Variants in TBC1D8 observed in about 807,000 individuals in gnomAD.
TBC1D8 encodes BUB2-like protein 1.
TBC1D8 carries 65 observed loss-of-function variants against 118.8 expected under a neutral mutation model. That is an observed-to-expected ratio of 0.55 (90% confidence interval 0.45 to 0.67). The LOEUF (loss-of-function observed/expected upper bound fraction) is 0.67. Among genes scored for constraint, TBC1D8 ranks in the 30% least tolerant of loss-of-function variants. The pLI is 0.00. For synonymous variants in TBC1D8, 566 were observed against 595.8 expected (o/e 0.95, Z 0.73); for missense variants, 1,376 against 1,471.2 (o/e 0.94, Z 1.06).
chr2:101,038,638 C>A lies in TBC1D8; in HGVS notation c.1098G>T (p.Lys366Asn), dbSNP rs764946034. Residue 366 changes from lysine to asparagine, a missense_variant, in exon 7 of 20, where the codon AAG becomes AAT. Coordinates refer to ENST00000409318, the MANE Select transcript of TBC1D8 (RefSeq NM_001330348.2). ...GCGGCAGCAGGCTCGTGTCCTCCATCTTCTCGATGCTCACCACCTGCGCGA... is the reference window on the plus strand; with the variant it reads ...GCGGCAGCAGGCTCGTGTCCTCCATATTCTCGATGCTCACCACCTGCGCGA... The part of the protein sequence containing the change: ...LPLREVVSIE[K>N]MEDTSLLPHP... The A allele has an allele frequency of 2.5e-6, 4 of 1,614,012 alleles. No homozygotes were observed. Among genetic ancestry groups the A allele is most frequent in the Non-Finnish European group, 3.4e-6 (4 of 1,179,972 alleles).
chr2:101,047,695 C>T (rs1029726381), intron 5 of TBC1D8, among the ~76,000 whole-genome samples: 7 of 152,230 alleles, frequency 4.6e-5, no homozygotes, highest in Non-Finnish European at 1.0e-4. Flanking sequence ...GCCAGCCCCA[C>T]GCACCTGCAG....
intron 4 of TBC1D8, 82 bp downstream of exon 4, chr2:101,054,025 TC>T: frequency 7.9e-7 from 1 of 1,259,236 alleles, no homozygotes; most frequent in South Asian, 1.4e-5. Flanking sequence ...GTCCAACTCT[TC>T]CTGTTAACGG....
intron 1 of TBC1D8, among the ~76,000 whole-genome samples, chr2:101,126,518 C>A (rs926925216): frequency 3.0e-4 from 46 of 152,124 alleles, no homozygotes; most frequent in African/African-American, 9.9e-4. Flanking sequence ...GGCCCTGTTA[C>A]CAACAGCCTG....
At chr2:101,092,030 T>C (rs1676073146) in intron 1 of TBC1D8, among the ~76,000 whole-genome samples, 1 of 152,140 alleles carries the variant, frequency 6.6e-6, no homozygotes, top group Admixed American at 6.5e-5. Flanking sequence ...AATATTGATA[T>C]GGCCCTGCCA....
At chr2:101,150,009 C>T (rs1176184055) in intron 1 of TBC1D8, among the ~76,000 whole-genome samples, 3 of 152,244 alleles carry the variant, frequency 2.0e-5, no homozygotes, top group African/African-American at 7.2e-5. Flanking sequence ...AACCTGCCAA[C>T]TCCCACCCAC....
intron 15 of TBC1D8, among the ~76,000 whole-genome samples, chr2:101,026,923 T>C (rs994911522): frequency 4.6e-5 from 7 of 152,216 alleles, no homozygotes; most frequent in Non-Finnish European, 1.0e-4. Flanking sequence ...AAAAATAGAA[T>C]ATGAACTTGA....
At chr2:101,144,478 G>C (rs746251764) in intron 1 of TBC1D8, among the ~76,000 whole-genome samples, 14 of 152,180 alleles carry the variant, frequency 9.2e-5, no homozygotes, top group Non-Finnish European at 1.6e-4. Context: ...AGAGCAGAAG[G>C]GGGAAGAGAG....
chr2:101,088,546 A>C (rs536910782), intron 2 of TBC1D8, among the ~76,000 whole-genome samples: 6 of 152,010 alleles, frequency 3.9e-5, no homozygotes, highest in African/African-American at 1.4e-4. Context: ...TGGGCCTCTC[A>C]AAGTGTTGGG....
chr2:101,143,137 A>G (rs1403808585), intron 1 of TBC1D8, among the ~76,000 whole-genome samples: 1 of 145,670 alleles, frequency 6.9e-6, no homozygotes, highest in South Asian at 2.1e-4. Flanking sequence ...ATCTCGGCTC[A>G]CTGCAACCTC....
At chr2:101,108,751 C>T (rs1426156599) in intron 1 of TBC1D8, among the ~76,000 whole-genome samples, 3 of 131,416 alleles carry the variant, frequency 2.3e-5, no homozygotes, top group Non-Finnish European at 4.8e-5. Context: ...CCAGGATAAT[C>T]TCCCTATTTT....
In TBC1D8 at chr2:101,110,052, T is replaced by A. The variant is rs562460682; in HGVS notation, c.128-19688A>T. 25 of 979,398 alleles carry A rather than the reference T, an allele frequency of 2.6e-5. No homozygotes were observed. The Middle Eastern group carries it at 1.6e-3, about 61-fold the overall frequency. The allele number at this position is 979,398 out of a possible 1,614,324, so 60.7% of individuals were successfully genotyped here. ...GAGCACAACACTCCTATTTTTAGGC[T>A]CTTAGAATAACAACTCTGGCTGAGA... On this transcript the variant is annotated intron_variant, in intron 1 of 19. Coordinates refer to ENST00000409318, the MANE Select transcript of TBC1D8 (RefSeq NM_001330348.2).
At chr2:101,019,147 A>C in intron 17 of TBC1D8, 2 of 1,467,608 alleles carry the variant, frequency 1.4e-6, no homozygotes, top group South Asian at 1.2e-5. Context: ...TCTGTCTCCC[A>C]TATTACCCTG....
chr2:101,024,765 A>T (rs1321147819), intron 15 of TBC1D8, among the ~76,000 whole-genome samples: 2 of 152,130 alleles, frequency 1.3e-5, no homozygotes. Flanking sequence ...AGTTGAATAT[A>T]TACGTCACCC....
At chr2:101,105,089 G>T (rs1475251419) in intron 1 of TBC1D8, among the ~76,000 whole-genome samples, 1 of 151,744 alleles carries the variant, frequency 6.6e-6, no homozygotes, top group Admixed American at 6.6e-5. Context: ...ACTAAGTGTG[G>T]TGATGACTCT....
chr2:101,010,145 T>G (rs1406771798), intron 19 of TBC1D8, among the ~76,000 whole-genome samples: 2 of 152,182 alleles, frequency 1.3e-5, no homozygotes, highest in African/African-American at 4.8e-5. Context: ...AAGCCTACAT[T>G]TCCTAAACAT....
intron 3 of TBC1D8, among the ~76,000 whole-genome samples, chr2:101,058,734 G>A (rs575084513): frequency 1.4e-5 from 2 of 147,742 alleles, no homozygotes; most frequent in South Asian, 4.3e-4. Flanking sequence ...AGAACAGTGT[G>A]ACAAGATGTC....
intron 3 of TBC1D8, among the ~76,000 whole-genome samples, chr2:101,058,910 TA>T (rs1472475813): frequency 2.0e-3 from 106 of 53,396 alleles, no homozygotes; most frequent in Middle Eastern, 0.014. Context: ...TTTTATTTTT[TA>T]TTTTTTTTTT....
In TBC1D8 at chr2:101,021,721, A is replaced by AT. The variant is rs767485412; in HGVS notation, c.2786dup (p.Asn929LysfsTer2). 3.1e-6 allele frequency: 5 copies of AT among 1,595,188 alleles called. No homozygotes were observed. Among genetic ancestry groups the AT allele is most frequent in the Non-Finnish European group, 8.6e-7 (1 of 1,168,314 alleles). ...GCCTGTATAATAGTTTAATCTTCTC[A>AT]TTCATTTCTCCATTATACATAATAT... is the stretch of plus-strand genomic sequence containing the variant. On this transcript the variant is annotated frameshift_variant, in exon 17 of 20. Coordinates refer to ENST00000409318, the MANE Select transcript of TBC1D8 (RefSeq NM_001330348.2). LOFTEE classifies it high-confidence loss of function.
At chr2:101,053,225 G>A (rs934136031) in intron 4 of TBC1D8, among the ~76,000 whole-genome samples, 2 of 152,232 alleles carry the variant, frequency 1.3e-5, no homozygotes, top group Non-Finnish European at 2.9e-5. Flanking sequence ...AAAGCCAGGT[G>A]TACTTTGAAA....
Sources: allele counts gnomAD v4.1 joint callset (sites outside exome capture counted in the v4.1 genomes callset), GRCh38; gene constraint gnomAD v4.1.1; transcripts MANE v1.5; gene names NCBI Gene and HGNC (gene_info 2026-07-23, HGNC 2026-07-21).